CHST9: variants seen among roughly 807,000 people sequenced by gnomAD.
The protein encoded by CHST9 is GalNAc-4-sulfotransferase 2.
CHST9 carries 41 observed loss-of-function variants against 44.4 expected under a neutral mutation model. The ratio of observed to expected loss-of-function variants is 0.92; its 90% CI spans 0.72 to 1.20. The LOEUF (loss-of-function observed/expected upper bound fraction) is 1.20, where lower values mean the gene tolerates loss of function less well. CHST9 is among the 50% of genes most tolerant of loss of function. The pLI is 0.00. For synonymous variants in CHST9, 171 were observed against 178.4 expected, an observed-to-expected ratio of 0.96 and a Z score of 0.33; for missense variants, 504 against 516.5, an observed-to-expected ratio of 0.98 and a Z score of 0.23.
At chr18:26,990,824 T>C (rs575642718) in intron 4 of CHST9, among the ~76,000 whole-genome samples, 2 of 152,336 alleles carry the variant, frequency 1.3e-5, no homozygotes, top group East Asian at 3.9e-4. Flanking sequence ...CCCATGTTCC[T>C]TGCCTTGTTA....
intron 2 of CHST9, among the ~76,000 whole-genome samples, chr18:27,084,290 C>T (rs940064347): frequency 3.3e-5 from 5 of 151,582 alleles, no homozygotes; most frequent in African/African-American, 4.8e-5. Flanking sequence ...TTTTTCTGGT[C>T]GGTAGGCATT....
chr18:26,969,203 C>T (rs1281740530), intron 4 of CHST9, among the ~76,000 whole-genome samples: 1 of 151,930 alleles, frequency 6.6e-6, no homozygotes. Context: ...GGGGTTTCAC[C>T]GTATTAGCCA....
chr18:27,148,608 T>C (rs1042421356), intron 1 of CHST9, among the ~76,000 whole-genome samples: 13 of 151,068 alleles, frequency 8.6e-5, no homozygotes, highest in Non-Finnish European at 1.9e-4. Context: ...TATGGCTGCA[T>C]AGTATTCCAT....
intron 5 of CHST9, among the ~76,000 whole-genome samples, chr18:26,918,837 C>T (rs369437827): frequency 2.6e-5 from 4 of 151,816 alleles, no homozygotes; most frequent in Non-Finnish European, 4.4e-5. Context: ...CATATGCCAA[C>T]GTGTACAGCC....
intron 2 of CHST9, among the ~76,000 whole-genome samples, chr18:27,054,669 TC>T (rs1186979646): frequency 1.3e-5 from 2 of 152,170 alleles, no homozygotes; most frequent in African/African-American, 4.8e-5. Context: ...AGTCTCTTAA[TC>T]ACAGTGATTG....
At chr18:27,048,639 C>G in intron 2 of CHST9, 136 bp from the exon 3 acceptor site, 2 of 589,150 alleles carry the variant, frequency 3.4e-6, no homozygotes, top group Non-Finnish European at 5.9e-6. Context: ...CTAGAGATGA[C>G]TGGGCTCAGC....
intron 5 of CHST9, among the ~76,000 whole-genome samples, chr18:26,939,147 G>T (rs184401468): frequency 2.6e-5 from 4 of 152,258 alleles, no homozygotes; most frequent in East Asian, 3.9e-4. Flanking sequence ...AGAATATAGG[G>T]TAGAAAATAT....
chr18:26,916,165 A>T lies in CHST9; in HGVS notation c.*94T>A. The T allele has an allele frequency of 9.6e-7, 1 of 1,043,134 alleles. No homozygotes were observed. The highest frequency in any genetic ancestry group is 1.4e-6 in the Non-Finnish European group (1 of 715,242). The allele number at this position is 1,043,134 out of a possible 1,614,324, so 64.6% of individuals were successfully genotyped here. On this transcript the variant is annotated 3_prime_UTR_variant, in exon 6 of 6. Coordinates refer to ENST00000618847, the MANE Select transcript of CHST9 (RefSeq NM_031422.6). ...TAAATCAAGACAACTGCACTTGGTT[A>T]AATTTCTGTCATACAGAGAATTATA...
intron 4 of CHST9, among the ~76,000 whole-genome samples, chr18:27,004,943 G>T (rs1318783590): frequency 6.6e-6 from 1 of 152,068 alleles, no homozygotes; most frequent in Non-Finnish European, 1.5e-5. Context: ...CTTCTCCTCT[G>T]TTAAGTTATA....
intron 3 of CHST9, among the ~76,000 whole-genome samples, chr18:27,034,702 G>T (rs35443853): frequency 0.13 from 19,096 of 152,054 alleles, 1,305 homozygotes; most frequent in East Asian, 0.23. Context: ...CTCAAGGCTG[G>T]TTCCTTCATA....
chr18:27,144,108 C>T (rs556532034), intron 1 of CHST9, among the ~76,000 whole-genome samples: 9 of 152,276 alleles, frequency 5.9e-5, no homozygotes, highest in African/African-American at 1.7e-4. Context: ...TTGTATCTAA[C>T]GCTGGCCAGA....
At position 26,945,147 on chromosome 18, in the gene CHST9, T is replaced by C. The variant is rs568463871; in HGVS notation, c.203-781A>G. Among the ~76,000 whole-genome samples, 116 of 152,322 alleles carry C rather than the reference T, an allele frequency of 7.6e-4. 1 individual carries two copies. The highest frequency in any genetic ancestry group is 2.7e-3 in the African/African-American group (114 of 41,590). On this transcript the variant is annotated intron_variant, in intron 4 of 5. Transcript: ENST00000618847. ...AGTGGCATCACAGTTATTATGTGTT[T>C]GTGAACACCTTAGTGTGTTACAAAC... is the stretch of plus-strand genomic sequence containing the variant.
intron 1 of CHST9, among the ~76,000 whole-genome samples, chr18:27,183,869 T>C (rs1257359299): frequency 1.3e-5 from 2 of 152,138 alleles, no homozygotes; most frequent in South Asian, 2.1e-4. Context: ...TATGGTGTTA[T>C]GATTAGGTAC....
chr18:26,992,857 A>G (rs2056839752), intron 4 of CHST9, among the ~76,000 whole-genome samples: 1 of 152,230 alleles, frequency 6.6e-6, no homozygotes, highest in African/African-American at 2.4e-5. Context: ...GCTTGAGTTT[A>G]AAGTGGGCAT....
At chr18:27,151,209 C>T (rs1467513277) in intron 1 of CHST9, among the ~76,000 whole-genome samples, 1 of 151,986 alleles carries the variant, frequency 6.6e-6, no homozygotes, top group South Asian at 2.1e-4. Flanking sequence ...TATTTTAATA[C>T]TGTGTAATTC....
intron 1 of CHST9, among the ~76,000 whole-genome samples, chr18:27,151,966 G>A (rs895492983): frequency 6.6e-6 from 1 of 152,174 alleles, no homozygotes; most frequent in African/African-American, 2.4e-5. Context: ...CATTTTGAAG[G>A]AAGACAGTAG....
intron 5 of CHST9, among the ~76,000 whole-genome samples, chr18:26,938,360 C>G (rs1201418529): frequency 6.6e-6 from 1 of 152,122 alleles, no homozygotes; most frequent in Non-Finnish European, 1.5e-5. Flanking sequence ...GTCCTTCTTT[C>G]AGGATTTTGA....
chr18:26,922,825 G>A (rs1286817479), intron 5 of CHST9, among the ~76,000 whole-genome samples: 9 of 151,948 alleles, frequency 5.9e-5, no homozygotes, highest in African/African-American at 1.5e-4. Context: ...TAGTAGAGAC[G>A]GGGTCTCACC....
At chr18:27,104,444 A>G (rs578160730) in intron 2 of CHST9, among the ~76,000 whole-genome samples, 1 of 152,260 alleles carries the variant, frequency 6.6e-6, no homozygotes, top group East Asian at 1.9e-4. Context: ...GTGATAAATC[A>G]CCCTTAATGA....
Sources: gnomAD v4.1 joint callset for allele counts (sites outside exome capture counted in the v4.1 genomes callset) on GRCh38, gnomAD v4.1.1 for gene constraint, MANE v1.5 for transcripts, NCBI Gene and HGNC (gene_info 2026-07-23, HGNC 2026-07-21) for gene names.